The following PPP1R21 variants were observed in gnomAD, a reference collection of about 807,000 sequenced individuals.
PPP1R21 encodes KLRAQ motif containing 1.
A neutral mutation model predicts 112.8 loss-of-function variants in PPP1R21; 85 were observed. The observed-to-expected ratio is 0.75, with a 90% CI of 0.63 to 0.90. PPP1R21 has a LOEUF of 0.90. PPP1R21 is among the 40% of genes least tolerant of loss of function. PPP1R21 has a pLI of 0.00. For synonymous variants in PPP1R21, 381 were observed against 322.3 expected (o/e 1.18, Z -1.95); for missense variants, 1,199 against 901.5 (o/e 1.33, Z -4.23).
At position 48,498,426 on chromosome 2, in the gene PPP1R21, T is replaced by C. The variant is rs1650876145; in HGVS notation, c.1693-67T>C. On this transcript the variant is annotated intron_variant, in intron 16 of 21. Coordinates refer to ENST00000294952, the MANE Select transcript of PPP1R21 (RefSeq NM_001135629.3). ...TAGTTTTGGTTTACATTCTGTAAGA[T>C]AGTTTTTGGGCCACTAAGGTTTATC... The C allele has an allele frequency of 5.8e-6, 9 of 1,543,374 alleles. No individual in the cohort carries two copies. The Admixed American group carries it at 8.7e-5, about 15-fold the overall frequency.
intron 14 of PPP1R21, among the ~76,000 whole-genome samples, chr2:48,487,625 G>A (rs1231592720): frequency 1.3e-5 from 2 of 151,868 alleles, no homozygotes; most frequent in African/African-American, 4.8e-5. Flanking sequence ...GCCAGGCATG[G>A]TGATGTGCGT....
chr2:48,499,787 A>T (rs772852513), intron 17 of PPP1R21, among the ~76,000 whole-genome samples: 1 of 152,246 alleles, frequency 6.6e-6, no homozygotes, highest in African/African-American at 2.4e-5. Context: ...AAAGTGAAAA[A>T]CATTTATATT....
intron 12 of PPP1R21, among the ~76,000 whole-genome samples, chr2:48,475,805 C>T (rs954733724): frequency 4.6e-5 from 7 of 152,052 alleles, no homozygotes; most frequent in Admixed American, 2.0e-4. Flanking sequence ...TGAGATCGTG[C>T]CATTGCGCTC....
At chr2:48,506,323 A>G (rs1558525027) in intron 18 of PPP1R21, among the ~76,000 whole-genome samples, 1 of 152,106 alleles carries the variant, frequency 6.6e-6, no homozygotes, top group Non-Finnish European at 1.5e-5. Context: ...CAAACTCCTG[A>G]GTTCAGGTGA....
intron 13 of PPP1R21, among the ~76,000 whole-genome samples, chr2:48,482,672 T>C (rs1669074544): frequency 6.6e-6 from 1 of 150,548 alleles, no homozygotes; most frequent in Non-Finnish European, 1.5e-5. Context: ...TTAGGATGTC[T>C]ACTTTATTCT....
chr2:48,473,642 A>C (rs1668619324), intron 11 of PPP1R21, among the ~76,000 whole-genome samples: 2 of 152,212 alleles, frequency 1.3e-5, no homozygotes, highest in South Asian at 4.1e-4. Flanking sequence ...TGGGCTTAGA[A>C]TGGAATGAAG....
intron 12 of PPP1R21, 95 bp downstream of exon 12, chr2:48,474,914 G>A: frequency 9.5e-7 from 1 of 1,053,326 alleles, no homozygotes; most frequent in South Asian, 1.6e-5. Context: ...AGTGAGAGGA[G>A]CATAGGATCT....
chr2:48,440,809 A>AGGC lies in PPP1R21; in HGVS notation c.-143_-141dup. The AGGC allele has an allele frequency of 1.6e-6, 1 of 634,864 alleles. No individual in the cohort carries two copies. The highest frequency in any genetic ancestry group is 2.8e-6 in the Non-Finnish European group (1 of 358,024). 39.3% of individuals were successfully genotyped at this position (634,864 alleles called of 1,614,324 possible). On this transcript the variant is annotated 5_prime_UTR_variant, in exon 1 of 22. Transcript: ENST00000294952. Reference sequence around the variant, plus strand: ...CCCGGGAACCCGGAAGTGGAGGAGGAGGCGCGGCGGCGGCGGCGGCGGCGG... The same window carrying AGGC: ...CCCGGGAACCCGGAAGTGGAGGAGGAGGCGGCGCGGCGGCGGCGGCGGCGGCGG...
At chr2:48,503,281 C>T (rs1021555636) in intron 17 of PPP1R21, among the ~76,000 whole-genome samples, 13 of 152,064 alleles carry the variant, frequency 8.5e-5, no homozygotes, top group Admixed American at 5.9e-4. Context: ...ATATAGTTGA[C>T]ACTGTACTAC....
chr2:48,474,633 A>G (rs530858188), intron 11 of PPP1R21, 50 bp from the exon 12 acceptor site: 1 of 1,545,402 alleles, frequency 6.5e-7, no homozygotes, highest in African/African-American at 1.4e-5. Flanking sequence ...CTAGTAGCTA[A>G]TTGAAAATCG....
chr2:48,509,312 A>T (rs1293928821), intron 19 of PPP1R21, among the ~76,000 whole-genome samples: 1 of 151,950 alleles, frequency 6.6e-6, no homozygotes, highest in Non-Finnish European at 1.5e-5. Context: ...GTACCTTAGG[A>T]TCCATAGTGC....
At chr2:48,446,132 A>G (rs780486790) in intron 1 of PPP1R21, among the ~76,000 whole-genome samples, 2 of 152,254 alleles carry the variant, frequency 1.3e-5, no homozygotes, top group African/African-American at 2.4e-5. Flanking sequence ...GAAGACAGCC[A>G]TGTAAAAGTG....
chr2:48,463,486 G>A (rs1488997968), intron 7 of PPP1R21, among the ~76,000 whole-genome samples: 1 of 152,124 alleles, frequency 6.6e-6, no homozygotes, highest in Non-Finnish European at 1.5e-5. Flanking sequence ...ACAGGGAGTT[G>A]AGGTGAATGG....
chr2:48,482,366 A>C (rs1322818822), intron 13 of PPP1R21, among the ~76,000 whole-genome samples: 1 of 152,198 alleles, frequency 6.6e-6, no homozygotes, highest in East Asian at 1.9e-4. Flanking sequence ...GTCTTGGGGC[A>C]GTCATAAGAC....
At chr2:48,463,689 A>G (rs967342154) in intron 7 of PPP1R21, among the ~76,000 whole-genome samples, 4 of 152,130 alleles carry the variant, frequency 2.6e-5, no homozygotes. Flanking sequence ...GCTGCAGCAA[A>G]TGCTTTATTT....
intron 16 of PPP1R21, among the ~76,000 whole-genome samples, chr2:48,496,829 C>T (rs1010652322): frequency 5.3e-5 from 8 of 152,212 alleles, no homozygotes; most frequent in African/African-American, 1.4e-4. Context: ...CTATCCAGTG[C>T]AGTCTCCATG....
intron 3 of PPP1R21, among the ~76,000 whole-genome samples, chr2:48,455,113 C>T (rs573529344): frequency 6.6e-6 from 1 of 151,550 alleles, no homozygotes; most frequent in African/African-American, 2.4e-5. Flanking sequence ...GCTATGATTA[C>T]AGGCATGAGC....
chr2:48,469,509 CATATAT>C (rs374280494), intron 9 of PPP1R21, among the ~76,000 whole-genome samples: 2,802 of 59,044 alleles, frequency 0.047, 601 homozygotes, highest in Non-Finnish European at 0.072. Flanking sequence ...ATATATAGAG[CATATAT>C]ATATATATAT....
chr2:48,446,562 A>G (rs948327253), intron 1 of PPP1R21, among the ~76,000 whole-genome samples: 1 of 152,212 alleles, frequency 6.6e-6, no homozygotes, highest in Non-Finnish European at 1.5e-5. Flanking sequence ...ACACCTTTAT[A>G]TGTATAATTT....
Sources: gnomAD v4.1 joint callset for allele counts (sites outside exome capture counted in the v4.1 genomes callset) on GRCh38, gnomAD v4.1.1 for gene constraint, MANE v1.5 for transcripts, NCBI Gene and HGNC (gene_info 2026-07-23, HGNC 2026-07-21) for gene names.